Variants in EYS observed in about 807,000 individuals in gnomAD.
EYS encodes protein eyes shut homolog.
Under a neutral mutation model 282.1 loss-of-function variants are expected in EYS, and 250 were observed. The ratio of observed to expected loss-of-function variants is 0.89; its 90% CI spans 0.80 to 0.98. The LOEUF (loss-of-function observed/expected upper bound fraction) is 0.98. EYS is among the 50% of genes least tolerant of loss of function. The pLI is 0.00. For synonymous variants in EYS, 1,355 were observed against 1,282.9 expected, an observed-to-expected ratio of 1.06 and a Z score of -1.20; for missense variants, 4,016 against 3,709.0, an observed-to-expected ratio of 1.08 and a Z score of -2.15.
intron 28 of EYS, among the ~76,000 whole-genome samples, chr6:64,397,419 C>T (rs979328075): frequency 4.0e-5 from 6 of 151,790 alleles, no homozygotes; most frequent in Non-Finnish European, 8.8e-5. Flanking sequence ...GCCTACTGGG[C>T]CTGAAATTTT....
intron 1 of EYS, among the ~76,000 whole-genome samples, chr6:65,670,660 C>A (rs955267268): frequency 3.3e-5 from 5 of 151,978 alleles, no homozygotes; most frequent in South Asian, 2.1e-4. Context: ...TAAGATCAAA[C>A]AATCAGACCT....
At chr6:64,433,258 CA>C (rs1774631009) in intron 28 of EYS, among the ~76,000 whole-genome samples, 1 of 151,874 alleles carries the variant, frequency 6.6e-6, no homozygotes, top group African/African-American at 2.4e-5. Flanking sequence ...AGCCATATTT[CA>C]ACAATAACAA....
chr6:65,239,964 A>G (rs1282362572), intron 12 of EYS, among the ~76,000 whole-genome samples: 1 of 140,888 alleles, frequency 7.1e-6, no homozygotes, highest in Non-Finnish European at 1.5e-5. Context: ...TGTAGCATAT[A>G]TATTTTGATT....
chr6:64,625,988 T>G (rs1767596146), intron 23 of EYS, 133 bp downstream of exon 23: 1 of 548,728 alleles, frequency 1.8e-6, no homozygotes, highest in Admixed American at 3.8e-5. Context: ...TGCTTAAAAC[T>G]TGATTAGTAG....
At chr6:64,653,532 C>G (rs901610233) in intron 22 of EYS, among the ~76,000 whole-genome samples, 5 of 151,980 alleles carry the variant, frequency 3.3e-5, no homozygotes, top group Admixed American at 6.6e-5. Context: ...TCATTAATTT[C>G]TTCTATATTT....
intron 22 of EYS, among the ~76,000 whole-genome samples, chr6:64,660,964 A>T (rs1768990801): frequency 6.6e-6 from 1 of 152,242 alleles, no homozygotes; most frequent in Non-Finnish European, 1.5e-5. Context: ...AGCTGGAGGC[A>T]TCACACTACC....
intron 30 of EYS, among the ~76,000 whole-genome samples, chr6:64,300,723 A>G (rs988026891): frequency 2.0e-5 from 3 of 152,190 alleles, no homozygotes; most frequent in African/African-American, 7.2e-5. Context: ...GGCCCCTTCA[A>G]CAGGGCCTTC....
chr6:65,645,621 C>G (rs1767424069), intron 1 of EYS, among the ~76,000 whole-genome samples: 1 of 151,590 alleles, frequency 6.6e-6, no homozygotes, highest in Admixed American at 6.6e-5. Flanking sequence ...CCTCATGGAA[C>G]CAGAGAAACA....
intron 19 of EYS, among the ~76,000 whole-genome samples, chr6:64,854,118 G>A (rs1765973263): frequency 6.6e-6 from 1 of 152,078 alleles, no homozygotes; most frequent in African/African-American, 2.4e-5. Context: ...TGGAGAGGAT[G>A]TGGAGAAATA....
At chr6:63,908,259 G>A (rs545612374) in intron 35 of EYS, among the ~76,000 whole-genome samples, 2 of 150,796 alleles carry the variant, frequency 1.3e-5, no homozygotes, top group South Asian at 2.1e-4. Context: ...AAAACCACAC[G>A]AGATACCATC....
chr6:65,322,060 G>A (rs1289010101), intron 11 of EYS, among the ~76,000 whole-genome samples: 1 of 151,190 alleles, frequency 6.6e-6, no homozygotes, highest in Non-Finnish European at 1.5e-5. Flanking sequence ...AGAGAAAAGA[G>A]ATGGAGACGC....
chr6:65,533,018 G>T (rs1178149211), intron 2 of EYS, among the ~76,000 whole-genome samples: 4 of 151,696 alleles, frequency 2.6e-5, no homozygotes, highest in Non-Finnish European at 5.9e-5. Flanking sequence ...TAATAAAAAA[G>T]GATAAATTTT....
At chr6:65,157,260 A>T (rs538970422) in intron 12 of EYS, among the ~76,000 whole-genome samples, 1 of 151,124 alleles carries the variant, frequency 6.6e-6, no homozygotes, top group African/African-American at 2.4e-5. Flanking sequence ...TAATTATAAC[A>T]ACTTGGATCA....
At chr6:65,397,594 G>A (rs1478833267) in intron 7 of EYS, among the ~76,000 whole-genome samples, 1 of 106,558 alleles carries the variant, frequency 9.4e-6, no homozygotes, top group Admixed American at 8.5e-5. Context: ...GTGTGTGTGT[G>A]TGTGTGTGTG....
chr6:63,894,819 C>G (rs1303018683), intron 35 of EYS, among the ~76,000 whole-genome samples: 3 of 151,964 alleles, frequency 2.0e-5, no homozygotes, highest in Non-Finnish European at 2.9e-5. Context: ...GATCTCCTGA[C>G]CTCGTGATCC....
rs796999871 is a variant in EYS, at chr6:63,859,111, T to TTTTTTTTTTTTTTTTTTTTTTTTA, written c.7228+5074_7228+5075insTAAAAAAAAAAAAAAAAAAAAAAA. On this transcript the variant is annotated intron_variant, in intron 36 of 42. Coordinates refer to ENST00000503581, the MANE Select transcript of EYS (RefSeq NM_001142800.2). ...TTTTTTTTTTTTTTTTTTTTTTTTT[T>TTTTTTTTTTTTTTTTTTTTTTTTA]AATAGCTGGGATGGAGATGCAGCCT... 2.8e-5 allele frequency among the ~76,000 whole-genome samples: 2 copies of TTTTTTTTTTTTTTTTTTTTTTTTA among 71,180 alleles called. 1 individual carries two copies. The highest frequency in any genetic ancestry group is 1.3e-4 in the African/African-American group (2 of 15,748). 46.7% of individuals were successfully genotyped at this position (71,180 alleles called of 152,430 possible).
intron 2 of EYS, among the ~76,000 whole-genome samples, chr6:65,627,278 T>C (rs1766737363): frequency 2.0e-5 from 3 of 152,196 alleles, no homozygotes; most frequent in Admixed American, 2.0e-4. Context: ...AGTGAACTTG[T>C]AGCTTTAGGT....
At chr6:64,603,281 C>G (rs1342345350) in intron 24 of EYS, among the ~76,000 whole-genome samples, 2 of 152,006 alleles carry the variant, frequency 1.3e-5, no homozygotes, top group Non-Finnish European at 2.9e-5. Flanking sequence ...TCCTTCTCTT[C>G]TTTCTTATCC....
intron 35 of EYS, among the ~76,000 whole-genome samples, chr6:63,948,960 T>A (rs1765483162): frequency 6.6e-6 from 1 of 152,206 alleles, no homozygotes; most frequent in East Asian, 1.9e-4. Context: ...TCCCTATGTC[T>A]TATTATTTCT....
Sources: allele counts gnomAD v4.1 joint callset (sites outside exome capture counted in the v4.1 genomes callset), GRCh38; gene constraint gnomAD v4.1.1; transcripts MANE v1.5; gene names NCBI Gene and HGNC (gene_info 2026-07-23, HGNC 2026-07-21).